The following LGALS16 variants were observed in gnomAD, a reference collection of about 807,000 sequenced individuals.
LGALS16 encodes galectin 16.
LGALS16 carries 15 observed loss-of-function variants against 13.2 expected under a neutral mutation model. The observed-to-expected ratio is 1.13, with a 90% confidence interval of 0.76 to 1.75. The LOEUF is 1.75. Among genes scored for constraint, LGALS16 ranks in the 40% most tolerant of loss-of-function variants. The pLI is 0.00. For synonymous variants in LGALS16, 66 were observed against 65.4 expected (o/e 1.01, Z -0.05); for missense variants, 198 against 178.4 (o/e 1.11, Z -0.63).
chr19:39,656,236 T>G (rs1252531451), intron 1 of LGALS16, among the ~76,000 whole-genome samples: 1 of 151,970 alleles, frequency 6.6e-6, no homozygotes, highest in Non-Finnish European at 1.5e-5. Context: ...TGATGTGACT[T>G]TAGGTGGGAG....
At chr19:39,658,379 G>A (rs1973219121) in intron 2 of LGALS16, 81 bp from the exon 3 acceptor site, 1 of 1,200,884 alleles carries the variant, frequency 8.3e-7, no homozygotes, top group Admixed American at 2.0e-5. Flanking sequence ...GGGTAAATGG[G>A]GGAAGGGATT....
At position 39,658,518 on chromosome 19, in the gene LGALS16, G is replaced by A. The variant is rs1478884305; in HGVS notation, c.151G>A (p.Ala51Thr). 1.9e-6 allele frequency: 3 copies of A among 1,607,098 alleles called. No individual in the cohort carries two copies. Among genetic ancestry groups the A allele is most frequent in the Admixed American group, 3.4e-5 (2 of 59,404 alleles). Reference sequence around the variant, plus strand: ...TGAGATGAATGAGGACTCAGAAATTGCCTTCCATTTGCGAGTGCACTTAGG... The same window carrying A: ...TGAGATGAATGAGGACTCAGAAATTACCTTCCATTTGCGAGTGCACTTAGG... Reference protein sequence around the residue: ...YTEMNEDSEIAFHLRVHLGRR... With the variant: ...YTEMNEDSEITFHLRVHLGRR... Residue 51 changes from alanine (A) to threonine (T), a missense_variant, in exon 3 of 4, where the codon GCC (alanine) becomes ACC (threonine). Transcript: ENST00000392051.
At position 39,657,892 on chromosome 19, in the gene LGALS16, A is replaced by G. The variant is rs1459521332; in HGVS notation, c.25A>G (p.Lys9Glu). 8 of 1,613,912 alleles carry G rather than the reference A, an allele frequency of 5.0e-6. No individual in the cohort carries two copies. The highest frequency in any genetic ancestry group is 5.9e-6 in the Non-Finnish European group (7 of 1,180,008). Residue 9 changes from lysine to glutamate, a missense_variant, in exon 2 of 4, where the codon AAA (lysine) becomes GAA (glutamate). Lys to Glu is a moderately conservative substitution (Grantham distance 56, BLOSUM62 1). Transcript: ENST00000392051. ...CTCAATACCCTGGCAGGTGCCATAC[A>G]AACTGCCTGTGTCTTTGTCTGTTGG... Reference protein sequence around the residue: MSFLTVPYKLPVSLSVGSC... With the variant: MSFLTVPYELPVSLSVGSC...
Position 39,658,468 on chromosome 19 carries a change from C to A in LGALS16, c.101C>A (p.Pro34Gln). ...GTGTGCTTTGCCCTCAGCAACGAACCACAGCTGCAGGTGGATTTCTACACT... is the reference window on the plus strand; with the variant it reads ...GTGTGCTTTGCCCTCAGCAACGAACAACAGCTGCAGGTGGATTTCTACACT... ...GTLIDSSINE[P>Q]QLQVDFYTEM... The change falls in exon 3 of 4, where the codon CCA becomes CAA. Residue 34 changes from proline to glutamine, a missense_variant. By Grantham distance (76) the Pro-to-Gln change is moderately conservative (BLOSUM62 -1). Transcript: ENST00000392051. 1 of 1,598,486 alleles carries A rather than the reference C, an allele frequency of 6.3e-7. No homozygotes were observed. The highest frequency in any genetic ancestry group is 8.5e-7 in the Non-Finnish European group (1 of 1,175,140).
rs780869333 is a variant in LGALS16, at chr19:39,658,533, G to A, written c.166G>A (p.Val56Met). 1.9e-6 allele frequency: 3 copies of A among 1,608,054 alleles called. No individual in the cohort carries two copies. The highest frequency in any genetic ancestry group is 1.7e-6 in the Non-Finnish European group (2 of 1,178,622). ...EDSEIAFHLR[V>M]HLGRRVVMNS... ...CTCAGAAATTGCCTTCCATTTGCGA[G>A]TGCACTTAGGCCGTCGTGTGGTCAT... Residue 56 changes from valine to methionine, a missense_variant, in exon 3 of 4, where the codon GTG becomes ATG. By Grantham distance (21) the Val-to-Met change is conservative. Transcript: ENST00000392051.
intron 1 of LGALS16, 157 bp from the exon 2 acceptor site, chr19:39,657,726 C>A: frequency 1.2e-6 from 1 of 809,874 alleles, no homozygotes; most frequent in East Asian, 2.6e-5. Flanking sequence ...TCCACCATAC[C>A]TTCAGGAATG....
intron 1 of LGALS16, among the ~76,000 whole-genome samples, chr19:39,657,462 G>A (rs7245574): frequency 0.31 from 47,029 of 151,938 alleles, 8,434 homozygotes; most frequent in Admixed American, 0.52. Flanking sequence ...AGTGTTTCAG[G>A]AGGACTCCCC....
chr19:39,658,355 G>A (rs1259303489), intron 2 of LGALS16, 105 bp from the exon 3 acceptor site: 1 of 995,256 alleles, frequency 1.0e-6, no homozygotes, highest in African/African-American at 1.6e-5. Context: ...TATCATCAGA[G>A]AGAATTTTAC....
chr19:39,657,162 G>A (rs931177992), intron 1 of LGALS16, among the ~76,000 whole-genome samples: 1 of 152,062 alleles, frequency 6.6e-6, no homozygotes, highest in Non-Finnish European at 1.5e-5. Context: ...CACAAGAGGG[G>A]GCAGATGTGT....
intron 2 of LGALS16, among the ~76,000 whole-genome samples, 183 bp from the exon 3 acceptor site, chr19:39,658,277 A>C (rs1369260707): frequency 3.9e-5 from 6 of 152,188 alleles, no homozygotes; most frequent in Non-Finnish European, 8.8e-5. Context: ...TCTGGGGATG[A>C]GGGGCACAGC....
In LGALS16 at chr19:39,656,919, A is replaced by G. The variant is rs1973201048; in HGVS notation, c.15+943A>G. On this transcript the variant is annotated intron_variant, in intron 1 of 3. Coordinates refer to ENST00000392051, the MANE Select transcript of LGALS16 (RefSeq NM_001190441.3). The stretch of plus-strand genomic sequence containing the variant: ...TGAGTCTAAACTTGTTCCTCCACCC[A>G]TGAAGGAACAAGTCTAGTCTCAGTT... 2.0e-5 allele frequency among the ~76,000 whole-genome samples: 3 copies of G among 151,772 alleles called. No homozygotes were observed. In the South Asian group the frequency reaches 6.2e-4, roughly 32 times the overall value.
In LGALS16 at chr19:39,656,084, T is replaced by C. The variant is rs574900253; in HGVS notation, c.15+108T>C. ...ATGAGCATTCCTACTGTGAATGCTTTACTGAGAGTTGTGGGTGTGTGGAAG... is the reference window on the plus strand; with the variant it reads ...ATGAGCATTCCTACTGTGAATGCTTCACTGAGAGTTGTGGGTGTGTGGAAG... On this transcript the variant is annotated intron_variant, in intron 1 of 3. Transcript: ENST00000392051. The C allele has an allele frequency of 8.7e-6, 10 of 1,144,202 alleles. No homozygotes were observed. In the East Asian group the frequency reaches 2.3e-4, roughly 26 times the overall value. 70.9% of individuals were successfully genotyped at this position (1,144,202 alleles called of 1,614,324 possible). A position where few individuals can be genotyped will look rare whatever the true frequency, so the allele number is the denominator to read the frequency against.
In LGALS16 at chr19:39,658,506, G is replaced by T. The variant is rs1451128378; in HGVS notation, c.139G>T (p.Asp47Tyr). Residue 47 changes from aspartate to tyrosine, a missense_variant, in exon 3 of 4, where the codon GAC becomes TAC. Coordinates refer to ENST00000392051, the MANE Select transcript of LGALS16 (RefSeq NM_001190441.3). ...GGATTTCTACACTGAGATGAATGAG[G>T]ACTCAGAAATTGCCTTCCATTTGCG... Reference protein sequence around the residue: ...QVDFYTEMNEDSEIAFHLRVH... With the variant: ...QVDFYTEMNEYSEIAFHLRVH... 11 of 1,606,026 alleles carry T rather than the reference G, an allele frequency of 6.8e-6. No individual in the cohort carries two copies. The highest frequency in any genetic ancestry group is 9.3e-6 in the Non-Finnish European group (11 of 1,177,990).
chr19:39,656,551 G>A (rs1047379432), intron 1 of LGALS16, among the ~76,000 whole-genome samples: 1 of 152,188 alleles, frequency 6.6e-6, no homozygotes, highest in Non-Finnish European at 1.5e-5. Context: ...CTTTTCATGT[G>A]TGGCAATGTG....
rs1366553399 is a variant in LGALS16 at position 39,655,942 on chromosome 19, TC to T, written c.-19del. ...AGAAGACTGGACACAATTCCGAAGG[TC>T]GCCCAGAAGGAGAGGACAATGTCAT... is the stretch of plus-strand genomic sequence containing the variant. On this transcript the variant is annotated 5_prime_UTR_variant, in exon 1 of 4. Coordinates refer to ENST00000392051, the MANE Select transcript of LGALS16 (RefSeq NM_001190441.3). 2.5e-6 allele frequency: 4 copies of T among 1,613,380 alleles called. No homozygotes were observed. The highest frequency in any genetic ancestry group is 3.4e-6 in the Non-Finnish European group (4 of 1,179,844).
At chr19:39,656,044 T>A in intron 1 of LGALS16, 68 bp downstream of exon 1, 1 of 1,530,622 alleles carries the variant, frequency 6.5e-7, no homozygotes, top group South Asian at 1.1e-5. Context: ...GTGGGGTATT[T>A]TATGAGATGA....
At chr19:39,659,713 T>C (rs1217254363) in intron 3 of LGALS16, among the ~76,000 whole-genome samples, 1 of 152,184 alleles carries the variant, frequency 6.6e-6, no homozygotes, top group Non-Finnish European at 1.5e-5. Flanking sequence ...GCATTTTAAA[T>C]TTGAAAAATT....
chr19:39,657,859 C>T, intron 1 of LGALS16, 24 bp from the exon 2 acceptor site: 2 of 1,612,346 alleles, frequency 1.2e-6, no homozygotes, highest in Non-Finnish European at 1.7e-6. Flanking sequence ...CTGCACCTCT[C>T]ACTTATTCTC....
At chr19:39,659,795 C>T (rs972583621) in intron 3 of LGALS16, among the ~76,000 whole-genome samples, 4 of 152,188 alleles carry the variant, frequency 2.6e-5, no homozygotes, top group African/African-American at 7.2e-5. Context: ...CTTTCTCTAA[C>T]GAGTAGGCCA....
Sources: gnomAD v4.1 joint callset for allele counts (sites outside exome capture counted in the v4.1 genomes callset) on GRCh38, gnomAD v4.1.1 for gene constraint, MANE v1.5 for transcripts, NCBI Gene and HGNC (gene_info 2026-07-23, HGNC 2026-07-21) for gene names.